The following TNRC6B variants were observed in gnomAD, a reference collection of about 807,000 sequenced individuals.
TNRC6B encodes the protein trinucleotide repeat-containing gene 6B protein.
A neutral mutation model predicts 203.6 loss-of-function variants in TNRC6B; 52 were observed. The observed-to-expected ratio is 0.26, with a 90% CI of 0.20 to 0.32. The LOEUF (loss-of-function observed/expected upper bound fraction) is 0.32, where lower values mean the gene tolerates loss of function less well. Among genes scored for constraint, TNRC6B ranks in the 10% least tolerant of loss-of-function variants. The pLI, the probability that TNRC6B is intolerant of heterozygous loss-of-function variation, is 1.00. For synonymous variants in TNRC6B, 838 were observed against 845.7 expected (o/e 0.99, Z 0.16); for missense variants, 1,923 against 2,286.2 (o/e 0.84, Z 3.24).
In TNRC6B at chr22:40,328,261, T is replaced by G. The variant is rs529370234; in HGVS notation, c.*5020T>G. ...TTATCCATTTATTGCTAGTTAGTTT[T>G]ATTTATAGCAACTTGATTTCCTATG... On this transcript the variant is annotated 3_prime_UTR_variant, in exon 23 of 23. Transcript: ENST00000454349. The G allele has an allele frequency of 2.0e-5, 3 of 152,372 alleles. No individual in the cohort carries two copies. The South Asian group carries it at 6.2e-4, about 32-fold the overall frequency. 9.4% of individuals were successfully genotyped at this position (152,372 alleles called of 1,614,324 possible). A position where few individuals can be genotyped will look rare whatever the true frequency, so the allele number is the denominator to read the frequency against.
At chr22:40,231,340 T>TATC (rs1306929562) in intron 1 of TNRC6B, among the ~76,000 whole-genome samples, 1 of 152,206 alleles carries the variant, frequency 6.6e-6, no homozygotes, top group Non-Finnish European at 1.5e-5. Flanking sequence ...AATTGGAGGA[T>TATC]GATTGACATC....
At chr22:40,305,409 A>G (rs1415756784) in intron 15 of TNRC6B, among the ~76,000 whole-genome samples, 1 of 152,242 alleles carries the variant, frequency 6.6e-6, no homozygotes, top group Non-Finnish European at 1.5e-5. Context: ...AGTGGAAAGT[A>G]CAATACAGTC....
At chr22:40,192,247 A>C (rs540663343) in intron 1 of TNRC6B, among the ~76,000 whole-genome samples, 1 of 152,342 alleles carries the variant, frequency 6.6e-6, no homozygotes, top group South Asian at 2.1e-4. Flanking sequence ...TTTCATGTTA[A>C]GGATCCGGTG....
chr22:40,265,936 T>C lies in TNRC6B; in HGVS notation c.1706T>C (p.Val569Ala), dbSNP rs2070472451. Residue 569 changes from valine (V) to alanine (A), a missense_variant, in exon 5 of 23, where the codon GTT (valine) becomes GCT (alanine). Physicochemically the swap from Val to Ala is moderately conservative, Grantham distance 64 (BLOSUM62 0). This residue lies in a region of TNRC6B where 614 missense variants were observed against 587.7 expected (regional missense o/e 1.04). Transcript: ENST00000454349. ...GRSSSSTGSE[V>A]GGQSTGSNHK... Reference sequence around the variant, plus strand: ...TCTTCCAGCTCCACAGGAAGTGAAGTTGGAGGTCAAAGCACTGGAAGCAAC... The same window carrying C: ...TCTTCCAGCTCCACAGGAAGTGAAGCTGGAGGTCAAAGCACTGGAAGCAAC... 3.7e-6 allele frequency: 6 copies of C among 1,613,808 alleles called. No homozygotes were observed. The highest frequency in any genetic ancestry group is 5.1e-6 in the Non-Finnish European group (6 of 1,179,850).
chr22:40,228,345 G>A (rs891360536), intron 1 of TNRC6B, among the ~76,000 whole-genome samples: 9 of 151,732 alleles, frequency 5.9e-5, no homozygotes, highest in Admixed American at 4.6e-4. Flanking sequence ...CAGGAGAATC[G>A]CTTGAACCCG....
intron 1 of TNRC6B, among the ~76,000 whole-genome samples, chr22:40,092,610 G>A (rs925834612): frequency 6.6e-6 from 1 of 152,130 alleles, no homozygotes; most frequent in Non-Finnish European, 1.5e-5. Flanking sequence ...CTGGGCTCAA[G>A]TGATCCTCCC....
At chr22:40,207,441 A>ATG (rs1469184817) in intron 1 of TNRC6B, among the ~76,000 whole-genome samples, 1 of 146,232 alleles carries the variant, frequency 6.8e-6, no homozygotes, top group African/African-American at 2.5e-5. Flanking sequence ...ATATATATAT[A>ATG]TATGTATAAT....
chr22:40,097,872 T>C (rs1386374639), intron 1 of TNRC6B, among the ~76,000 whole-genome samples: 1 of 151,982 alleles, frequency 6.6e-6, no homozygotes, highest in Non-Finnish European at 1.5e-5. Context: ...TAAGACAGGG[T>C]CTCGCTATGT....
At chr22:40,205,353 A>G (rs1417368205) in intron 1 of TNRC6B, among the ~76,000 whole-genome samples, 1 of 152,238 alleles carries the variant, frequency 6.6e-6, no homozygotes, top group Non-Finnish European at 1.5e-5. Context: ...AAAAGGGATT[A>G]CTTGGTATTG....
At chr22:40,287,328 C>G (rs1226303718) in intron 12 of TNRC6B, among the ~76,000 whole-genome samples, 1 of 152,104 alleles carries the variant, frequency 6.6e-6, no homozygotes, top group South Asian at 2.1e-4. Flanking sequence ...TTTTGAAATG[C>G]CCTTTAAGAC....
intron 1 of TNRC6B, among the ~76,000 whole-genome samples, chr22:40,196,357 T>C (rs1601875299): frequency 1.3e-5 from 2 of 151,534 alleles, no homozygotes; most frequent in Non-Finnish European, 3.0e-5. Context: ...TTTTTAATAA[T>C]GTGATCTTCT....
At chr22:40,065,626 C>G (rs183635132) in intron 1 of TNRC6B, among the ~76,000 whole-genome samples, 9 of 152,144 alleles carry the variant, frequency 5.9e-5, no homozygotes, top group Non-Finnish European at 1.5e-5. Context: ...GGATGCTAAA[C>G]TTTGTAAGTT....
chr22:40,234,813 A>G (rs900675345), intron 1 of TNRC6B, among the ~76,000 whole-genome samples: 2 of 152,214 alleles, frequency 1.3e-5, no homozygotes, highest in Non-Finnish European at 2.9e-5. Context: ...CTTGTCTGCT[A>G]ATTTAATATG....
At chr22:40,197,782 A>G (rs1601876431) in intron 1 of TNRC6B, among the ~76,000 whole-genome samples, 2 of 151,074 alleles carry the variant, frequency 1.3e-5, no homozygotes, top group East Asian at 3.9e-4. Flanking sequence ...AATTAAAAAA[A>G]ACTTCTTTTA....
intron 1 of TNRC6B, among the ~76,000 whole-genome samples, chr22:40,080,094 C>CTTTTT (rs772109662): frequency 1.5e-4 from 17 of 113,766 alleles, no homozygotes; most frequent in African/African-American, 3.3e-4. Flanking sequence ...CGTGCCTGGC[C>CTTTTT]TTTTTTTTTT....
intron 7 of TNRC6B, among the ~76,000 whole-genome samples, chr22:40,276,312 A>G (rs1250459184): frequency 6.7e-6 from 1 of 150,306 alleles, no homozygotes; most frequent in Non-Finnish European, 1.5e-5. Flanking sequence ...GCACCACTGC[A>G]CTCTAGCCTG....
At chr22:40,270,035 A>G in intron 5 of TNRC6B, 87 bp from the exon 6 acceptor site, 1 of 1,324,568 alleles carries the variant, frequency 7.5e-7, no homozygotes, top group Non-Finnish European at 1.0e-6. Flanking sequence ...GAATATAGGC[A>G]TGCCTGTTCC....
At chr22:40,235,739 T>C (rs1188693574) in intron 1 of TNRC6B, among the ~76,000 whole-genome samples, 2 of 152,250 alleles carry the variant, frequency 1.3e-5, no homozygotes, top group Non-Finnish European at 2.9e-5. Context: ...CCTGCTATAC[T>C]TAAGGAATAC....
chr22:40,273,835 AG>A (rs1342073818), intron 7 of TNRC6B, among the ~76,000 whole-genome samples: 1 of 152,130 alleles, frequency 6.6e-6, no homozygotes, highest in East Asian at 1.9e-4. Flanking sequence ...ATTTTTTAAT[AG>A]AGACAGGGTT....
Sources: gnomAD v4.1 joint callset for allele counts (sites outside exome capture counted in the v4.1 genomes callset) on GRCh38, gnomAD v4.1.1 for gene constraint, gnomAD v4.1.1 regional missense constraint, MANE v1.5 for transcripts, NCBI Gene and HGNC (gene_info 2026-07-23, HGNC 2026-07-21) for gene names.